TMEM131: variants seen among roughly 807,000 people sequenced by gnomAD.
TMEM131 encodes the protein 2610524E03Rik.
Under a neutral mutation model 211.6 loss-of-function variants are expected in TMEM131, and 66 were observed. That is an observed-to-expected ratio of 0.31 (90% CI 0.26 to 0.38). The LOEUF (loss-of-function observed/expected upper bound fraction) is 0.38. TMEM131 is among the 10% of genes least tolerant of loss of function. The probability of loss-of-function intolerance (pLI) is 1.00; values close to 1 mark genes in which losing one functional copy is unlikely to be tolerated. For synonymous variants in TMEM131, 844 were observed against 841.3 expected (o/e 1.00, Z -0.06); for missense variants, 2,036 against 2,299.3 (o/e 0.89, Z 2.34).
At chr2:97,870,547 C>T (rs567335124) in intron 4 of TMEM131, among the ~76,000 whole-genome samples, 2 of 152,148 alleles carry the variant, frequency 1.3e-5, no homozygotes, top group South Asian at 2.1e-4. Flanking sequence ...TCCATATTTT[C>T]GAATAGTCTG....
At chr2:97,907,094 T>C (rs1326668093) in intron 3 of TMEM131, 1 of 152,230 alleles carries the variant, frequency 6.6e-6, no homozygotes, top group Non-Finnish European at 1.5e-5. Context: ...AATCACAAGA[T>C]AACATATATG....
chr2:97,975,398 C>A (rs185062429), intron 1 of TMEM131, among the ~76,000 whole-genome samples: 1 of 151,920 alleles, frequency 6.6e-6, no homozygotes, highest in African/African-American at 2.4e-5. Flanking sequence ...AAGAAAAAAA[C>A]GACAGAAAAC....
At chr2:97,935,831 T>C (rs1432348642) in intron 1 of TMEM131, among the ~76,000 whole-genome samples, 1 of 152,210 alleles carries the variant, frequency 6.6e-6, no homozygotes, top group Non-Finnish European at 1.5e-5. Flanking sequence ...CATGGAATGT[T>C]AATACATTTT....
intron 4 of TMEM131, among the ~76,000 whole-genome samples, chr2:97,878,765 G>A (rs1674799252): frequency 6.6e-6 from 1 of 151,994 alleles, no homozygotes; most frequent in Non-Finnish European, 1.5e-5. Context: ...GTTGATGCAT[G>A]CAGCAAACTA....
At chr2:97,971,145 T>C (rs2104602034) in intron 1 of TMEM131, among the ~76,000 whole-genome samples, 1 of 152,322 alleles carries the variant, frequency 6.6e-6, no homozygotes, top group Non-Finnish European at 1.5e-5. Context: ...TCAGAGCTGC[T>C]ATACATAAAT....
intron 4 of TMEM131, among the ~76,000 whole-genome samples, chr2:97,878,466 G>A (rs919065106): frequency 2.6e-5 from 4 of 151,218 alleles, no homozygotes; most frequent in African/African-American, 9.7e-5. Context: ...TCCATCAATA[G>A]GCTGGATAAA....
Position 97,985,880 on chromosome 2 carries a change from G to A in TMEM131, c.187+9596C>T, listed in dbSNP as rs192810979. Among the ~76,000 whole-genome samples, 231 of 151,714 alleles carry A rather than the reference G, an allele frequency of 1.5e-3. 1 individual carries two copies. The highest frequency in any genetic ancestry group is 5.1e-3 in the African/African-American group (211 of 41,350). On this transcript the variant is annotated intron_variant, in intron 1 of 40. Transcript: ENST00000186436. ...GATTTGCATTTAAAGATGGAAGCAC[G>A]GACATAAAATATTGGTGAATATATA...
At chr2:97,770,490 G>T (rs1430635694) in intron 33 of TMEM131, among the ~76,000 whole-genome samples, 1 of 152,178 alleles carries the variant, frequency 6.6e-6, no homozygotes, top group African/African-American at 2.4e-5. Context: ...TGCTATAACT[G>T]CCCCTTGACT....
chr2:97,923,627 TTAAAAAAAAAAAA>T (rs1390287758), intron 2 of TMEM131, among the ~76,000 whole-genome samples: 113 of 99,692 alleles, frequency 1.1e-3, no homozygotes, highest in Middle Eastern at 5.5e-3. Flanking sequence ...GTCTTTTTTT[TTAAAAAAAAAAAA>T]AAAAAAAAAA....
chr2:97,862,424 G>T (rs1217069859), intron 4 of TMEM131, among the ~76,000 whole-genome samples: 1 of 151,914 alleles, frequency 6.6e-6, no homozygotes, highest in Admixed American at 6.6e-5. Flanking sequence ...AGAGATATGT[G>T]ACCTTCCAGA....
At chr2:97,758,790 G>A in intron 40 of TMEM131, 103 bp downstream of exon 40, 1 of 1,446,780 alleles carries the variant, frequency 6.9e-7, no homozygotes, top group Non-Finnish European at 9.3e-7. Context: ...TGATGCTGCT[G>A]TTTGTTGTTT....
intron 7 of TMEM131, 21 bp downstream of exon 7, chr2:97,841,794 A>G (rs781054592): frequency 1.9e-6 from 3 of 1,549,660 alleles, no homozygotes; most frequent in Non-Finnish European, 2.6e-6. Flanking sequence ...AGCTTATTCA[A>G]AATTACCATC....
chr2:97,870,612 T>C (rs1405615766), intron 4 of TMEM131, among the ~76,000 whole-genome samples: 5 of 152,196 alleles, frequency 3.3e-5, no homozygotes, highest in Non-Finnish European at 7.4e-5. Context: ...GCTTGGAAAG[T>C]AAACTGCAAT....
intron 1 of TMEM131, among the ~76,000 whole-genome samples, chr2:97,975,416 A>G (rs558770088): frequency 5.9e-5 from 9 of 152,306 alleles, no homozygotes; most frequent in African/African-American, 1.9e-4. Flanking sequence ...AACACAAATT[A>G]TAAGTTTCAG....
At chr2:97,779,645 A>G (rs1352092020) in intron 31 of TMEM131, among the ~76,000 whole-genome samples, 1 of 152,234 alleles carries the variant, frequency 6.6e-6, no homozygotes, top group Non-Finnish European at 1.5e-5. Flanking sequence ...CCAGACCTAC[A>G]GAACCAGAAC....
At chr2:97,928,290 T>C (rs142742191) in intron 1 of TMEM131, among the ~76,000 whole-genome samples, 31 of 152,190 alleles carry the variant, frequency 2.0e-4, no homozygotes, top group African/African-American at 6.5e-4. Flanking sequence ...ATTATGGAGA[T>C]AGTAAAAAGA....
rs780211997 is a variant in TMEM131, at chr2:97,995,518, C to T, written c.145G>A (p.Val49Met). Reference sequence around the variant, plus strand: ...GCCGCAGCCACTACGAGGGTCATCACCAGGTGCAGCGCGCCTAGGAGGCCG... The same window carrying T: ...GCCGCAGCCACTACGAGGGTCATCATCAGGTGCAGCGCGCCTAGGAGGCCG... Reference protein sequence around the residue: ...AAGLLGALHLVMTLVVAAARA... With the variant: ...AAGLLGALHLMMTLVVAAARA... The change falls in exon 1 of 41, where the codon GTG (valine) becomes ATG (methionine). Residue 49 changes from valine to methionine, a missense_variant. Coordinates refer to ENST00000186436, the MANE Select transcript of TMEM131 (RefSeq NM_015348.2). The T allele has an allele frequency of 2.1e-6, 3 of 1,409,726 alleles. No individual in the cohort carries two copies. The highest frequency in any genetic ancestry group is 1.5e-5 in the African/African-American group (1 of 66,840). The allele number at this position is 1,409,726 out of a possible 1,614,324, so 87.3% of individuals were successfully genotyped here.
At chr2:97,829,905 T>C (rs1023750005) in intron 11 of TMEM131, among the ~76,000 whole-genome samples, 2 of 152,028 alleles carry the variant, frequency 1.3e-5, no homozygotes, top group African/African-American at 2.4e-5. Context: ...AAGCCAGAAA[T>C]AGCAAAGCAA....
chr2:97,811,362 C>T, intron 17 of TMEM131, 130 bp from the exon 18 acceptor site: 1 of 688,364 alleles, frequency 1.5e-6, no homozygotes, highest in Non-Finnish European at 2.6e-6. Flanking sequence ...ACTGAATTAC[C>T]ATATCACTGT....
Sources: gnomAD v4.1 joint callset for allele counts (sites outside exome capture counted in the v4.1 genomes callset) on GRCh38, gnomAD v4.1.1 for gene constraint, MANE v1.5 for transcripts, NCBI Gene and HGNC (gene_info 2026-07-23, HGNC 2026-07-21) for gene names.